VPS13A: variants seen among roughly 807,000 people sequenced by gnomAD.
VPS13A encodes the protein intermembrane lipid transfer protein VPS13A.
A neutral mutation model predicts 390.9 loss-of-function variants in VPS13A; 264 were observed. That is an observed-to-expected ratio of 0.68 (90% CI 0.61 to 0.75). The LOEUF (loss-of-function observed/expected upper bound fraction) is 0.75. Ranked by LOEUF, VPS13A falls within the 30% of genes least tolerant of loss-of-function variation. VPS13A has a pLI of 0.00. For synonymous variants in VPS13A, 1,231 were observed against 1,227.1 expected (o/e 1.00, Z -0.07); for missense variants, 3,409 against 3,733.9 (o/e 0.91, Z 2.27).
intron 68 of VPS13A, among the ~76,000 whole-genome samples, chr9:77,394,605 C>G (rs537723554): frequency 1.7e-4 from 26 of 152,328 alleles, no homozygotes; most frequent in African/African-American, 6.0e-4. Context: ...TCTTTTGAAG[C>G]TTTAAAGCCA....
At chr9:77,405,156 A>G (rs1322290716) in intron 69 of VPS13A, among the ~76,000 whole-genome samples, 1 of 152,214 alleles carries the variant, frequency 6.6e-6, no homozygotes, top group African/African-American at 2.4e-5. Flanking sequence ...AAAATGGGAA[A>G]ACAAGAATTT....
chr9:77,372,860 A>T (rs1282941492), intron 67 of VPS13A, among the ~76,000 whole-genome samples: 2 of 152,160 alleles, frequency 1.3e-5, no homozygotes, highest in African/African-American at 4.8e-5. Flanking sequence ...CAGAGAGCCA[A>T]ATCATAAGTG....
At chr9:77,196,473 C>T (rs1825008481) in intron 1 of VPS13A, among the ~76,000 whole-genome samples, 1 of 152,102 alleles carries the variant, frequency 6.6e-6, no homozygotes, top group African/African-American at 2.4e-5. Context: ...CAATCTTTAC[C>T]TATTTCCCCT....
intron 67 of VPS13A, among the ~76,000 whole-genome samples, chr9:77,379,907 A>G (rs370069576): frequency 6.6e-6 from 1 of 152,046 alleles, no homozygotes; most frequent in South Asian, 2.1e-4. Context: ...TTCCTTGCTG[A>G]TCTTTTATCT....
At position 77,339,793 on chromosome 9, in the gene VPS13A, A is replaced by G. The variant is rs1830719275; in HGVS notation, c.6656A>G (p.Asn2219Ser). The G allele has an allele frequency of 1.2e-6, 2 of 1,614,132 alleles. No homozygotes were observed. Among genetic ancestry groups the G allele is most frequent in the Non-Finnish European group, 8.5e-7 (1 of 1,179,988 alleles). ...VAFHSPYWMV[N>S]KTGRMLQYKA... is the part of the protein sequence containing the mutation. Reference sequence around the variant, plus strand: ...TTTCATAGTCCTTATTGGATGGTCAATAAAACTGGCCGCATGTTACAGTAC... The same window carrying G: ...TTTCATAGTCCTTATTGGATGGTCAGTAAAACTGGCCGCATGTTACAGTAC... The change falls in exon 48 of 72, where the codon AAT becomes AGT. Residue 2219 changes from asparagine (N) to serine (S), a missense_variant. By Grantham distance (46) the Asn-to-Ser change is conservative. This residue lies in a region of VPS13A where 2,717 missense variants were observed against 2,917.4 expected (regional missense o/e 0.93). Coordinates refer to ENST00000360280, the MANE Select transcript of VPS13A (RefSeq NM_033305.3).
intron 35 of VPS13A, among the ~76,000 whole-genome samples, chr9:77,308,611 G>T (rs1456275096): frequency 6.6e-6 from 1 of 152,194 alleles, no homozygotes; most frequent in East Asian, 1.9e-4. Context: ...GTAGAAGGAA[G>T]CAGAACTTAG....
At chr9:77,406,840 C>A (rs1450698111) in intron 70 of VPS13A, among the ~76,000 whole-genome samples, 1 of 152,004 alleles carries the variant, frequency 6.6e-6, no homozygotes, top group Admixed American at 6.6e-5. Context: ...CCCTCTATGA[C>A]CTCACCCATA....
chr9:77,393,149 C>T (rs886196769), intron 68 of VPS13A, among the ~76,000 whole-genome samples: 1 of 152,188 alleles, frequency 6.6e-6, no homozygotes, highest in Non-Finnish European at 1.5e-5. Flanking sequence ...ATAGAATCTT[C>T]CCCGATAATA....
chr9:77,368,422 TA>T (rs1331184940), intron 62 of VPS13A, among the ~76,000 whole-genome samples: 2 of 152,210 alleles, frequency 1.3e-5, no homozygotes, highest in East Asian at 3.8e-4. Flanking sequence ...CACACTTAAT[TA>T]AAAAATGGGT....
chr9:77,265,149 C>G (rs765046957), intron 23 of VPS13A, among the ~76,000 whole-genome samples: 1 of 152,178 alleles, frequency 6.6e-6, no homozygotes, highest in Non-Finnish European at 1.5e-5. Context: ...ATGAAGCCAA[C>G]TTGATTGTGA....
At chr9:77,250,398 C>G (rs940575653) in intron 21 of VPS13A, among the ~76,000 whole-genome samples, 169 bp downstream of exon 21, 4 of 152,106 alleles carry the variant, frequency 2.6e-5, no homozygotes, top group Non-Finnish European at 4.4e-5. Flanking sequence ...TCTTGCCCCC[C>G]CAAGAGACAT....
chr9:77,367,925 T>A, intron 61 of VPS13A, 130 bp from the exon 62 acceptor site: 1 of 825,220 alleles, frequency 1.2e-6, no homozygotes, highest in Non-Finnish European at 1.9e-6. Context: ...ATTTCCTGAT[T>A]GGCATGGGAA....
intron 13 of VPS13A, among the ~76,000 whole-genome samples, chr9:77,225,054 T>A (rs1328262541): frequency 1.3e-5 from 2 of 152,204 alleles, no homozygotes; most frequent in Non-Finnish European, 2.9e-5. Context: ...AAGGTATTTA[T>A]GTTGTTTTCT....
rs1386811787 is a variant in VPS13A, at chr9:77,236,171, C to T, written c.1596-1831C>T. On this transcript the variant is annotated intron_variant, in intron 17 of 71. Transcript: ENST00000360280. ...ACAATGATTTTATTGGGACATAACCCCATTATAAGTCAAGGAACATCTGTA... is the reference window on the plus strand; with the variant it reads ...ACAATGATTTTATTGGGACATAACCTCATTATAAGTCAAGGAACATCTGTA... Among the ~76,000 whole-genome samples, 2 of 152,086 alleles carry T rather than the reference C, an allele frequency of 1.3e-5. 1 individual carries two copies. Among genetic ancestry groups the T allele is most frequent in the Non-Finnish European group, 2.9e-5 (2 of 68,030 alleles).
chr9:77,297,570 T>C (rs1828090320), intron 33 of VPS13A, among the ~76,000 whole-genome samples: 1 of 151,874 alleles, frequency 6.6e-6, no homozygotes, highest in African/African-American at 2.4e-5. Flanking sequence ...ATTTTGTCTG[T>C]CTTTTTTTTG....
rs2131325353 is a variant in VPS13A at position 77,273,309 on chromosome 9, A to G, written c.2457A>G (p.Ser819=). ...QIQTSTSLGT[S]QISQKIIPLL... The stretch of plus-strand genomic sequence containing the variant: ...AAACATCTACTTCTTTGGGAACATC[A>G]CAGATTTCACAGAAAATAATTCCTC... Residue 819 remains serine, a synonymous_variant, in exon 24 of 72, where the codon TCA becomes TCG. Transcript: ENST00000360280. 1 of 1,612,174 alleles carries G rather than the reference A, an allele frequency of 6.2e-7. No individual in the cohort carries two copies.
At chr9:77,379,110 T>C (rs1833283889) in intron 67 of VPS13A, among the ~76,000 whole-genome samples, 1 of 147,524 alleles carries the variant, frequency 6.8e-6, no homozygotes, top group Non-Finnish European at 1.5e-5. Context: ...GTCTCACTCT[T>C]GTCACCCAGG....
rs372607999 is a variant in VPS13A, at chr9:77,407,613, T to C, written c.9474+6T>C. 14 of 1,603,092 alleles carry C rather than the reference T, an allele frequency of 8.7e-6. No homozygotes were observed. Among genetic ancestry groups the C allele is most frequent in the Non-Finnish European group, 1.2e-5 (14 of 1,170,550 alleles). On this transcript the variant is annotated splice_donor_region_variant and intron_variant, in intron 71 of 71. Coordinates refer to ENST00000360280, the MANE Select transcript of VPS13A (RefSeq NM_033305.3). ...AGACCCCAGAGGATGCCAGGGTAAA[T>C]ATAATAAATCTTTTATTTAAATAGG...
chr9:77,214,937 T>C (rs1049836745), intron 10 of VPS13A, among the ~76,000 whole-genome samples: 4 of 152,200 alleles, frequency 2.6e-5, no homozygotes, highest in African/African-American at 9.6e-5. Context: ...CTAATCTCTT[T>C]CGTATTTTAG....
Sources: gnomAD v4.1 joint callset for allele counts (sites outside exome capture counted in the v4.1 genomes callset) on GRCh38, gnomAD v4.1.1 for gene constraint, gnomAD v4.1.1 regional missense constraint, MANE v1.5 for transcripts, NCBI Gene and HGNC (gene_info 2026-07-23, HGNC 2026-07-21) for gene names.